Variants in EFCAB6 observed in about 807,000 individuals in gnomAD.
The protein encoded by EFCAB6 is EF-hand calcium-binding domain-containing protein 6.
Under a neutral mutation model 169.8 loss-of-function variants are expected in EFCAB6, and 156 were observed. The ratio of observed to expected loss-of-function variants is 0.92; its 90% CI spans 0.81 to 1.05. The LOEUF (loss-of-function observed/expected upper bound fraction) is 1.05, where lower values mean the gene tolerates loss of function less well. EFCAB6 is among the 50% of genes least tolerant of loss of function. The pLI, the probability that EFCAB6 is intolerant of heterozygous loss-of-function variation, is 0.00. For missense variants in EFCAB6, 1,800 were observed against 1,829.1 expected, an observed-to-expected ratio of 0.98 and a Z score of 0.29; for synonymous variants, 698 against 676.4, an observed-to-expected ratio of 1.03 and a Z score of -0.50.
rs376289598 is a variant in EFCAB6, at chr22:43,672,111, G to T, written c.1502C>A (p.Thr501Lys). ...WDSVEEIVHD[T>K]ITRNLQAFYN... is the part of the protein sequence containing the mutation. The stretch of plus-strand genomic sequence containing the variant: ...AAAAGCTTGTAGGTTCCTAGTAATT[G>T]TATCATGAACAATTTCTTCCACCTA... The change falls in exon 15 of 32, where the codon ACA becomes AAA. Residue 501 changes from threonine (T) to lysine (K), a missense_variant. Coordinates refer to ENST00000262726, the MANE Select transcript of EFCAB6 (RefSeq NM_022785.4). The T allele has an allele frequency of 8.7e-6, 14 of 1,613,434 alleles. No individual in the cohort carries two copies. In the African/African-American group the frequency reaches 1.1e-4, roughly 12 times the overall value.
At chr22:43,755,673 G>T in intron 6 of EFCAB6, 93 bp downstream of exon 6, 1 of 1,130,412 alleles carries the variant, frequency 8.8e-7, no homozygotes, top group Non-Finnish European at 1.2e-6. Flanking sequence ...GGATGACAAG[G>T]TGTGGCTCAT....
chr22:43,765,186 T>A, intron 5 of EFCAB6, 119 bp downstream of exon 5: 1 of 686,320 alleles, frequency 1.5e-6, no homozygotes, highest in Non-Finnish European at 2.5e-6. Context: ...ATGGACAAGT[T>A]CTACAAACTC....
intron 6 of EFCAB6, among the ~76,000 whole-genome samples, chr22:43,751,726 A>G (rs949068648): frequency 6.6e-6 from 1 of 152,202 alleles, no homozygotes; most frequent in African/African-American, 2.4e-5. Flanking sequence ...GTGATGATGA[A>G]CAGAAAGACT....
At chr22:43,568,998 A>G (rs1431042926) in intron 26 of EFCAB6, among the ~76,000 whole-genome samples, 2 of 152,158 alleles carry the variant, frequency 1.3e-5, no homozygotes, top group African/African-American at 2.4e-5. Context: ...GCCCCCTCAC[A>G]TTCCTGCAAG....
At chr22:43,668,376 T>A (rs776344514) in intron 16 of EFCAB6, among the ~76,000 whole-genome samples, 1 of 152,254 alleles carries the variant, frequency 6.6e-6, no homozygotes, top group East Asian at 1.9e-4. Context: ...TAATTTTTTA[T>A]AGATTTACTA....
intron 27 of EFCAB6, chr22:43,552,528 G>A (rs949198843): frequency 6.6e-6 from 1 of 152,160 alleles, no homozygotes; most frequent in African/African-American, 2.4e-5. Flanking sequence ...GTATCTCACT[G>A]TGGTTTTAAT....
chr22:43,767,136 G>A (rs2061346550), intron 4 of EFCAB6, among the ~76,000 whole-genome samples: 1 of 152,152 alleles, frequency 6.6e-6, no homozygotes, highest in South Asian at 2.1e-4. Context: ...CCATACAGCT[G>A]AATGGCTCCC....
intron 17 of EFCAB6, among the ~76,000 whole-genome samples, chr22:43,636,372 C>A (rs578246661): frequency 2.0e-5 from 3 of 152,244 alleles, no homozygotes; most frequent in African/African-American, 7.2e-5. Flanking sequence ...GCTGCAGTGT[C>A]GCCCTCATCA....
In EFCAB6 at chr22:43,530,902, A is replaced by G; in HGVS notation, c.4296T>C (p.Ile1432=). The G allele has an allele frequency of 6.2e-7, 1 of 1,614,208 alleles. No homozygotes were observed. The highest frequency in any genetic ancestry group is 8.5e-7 in the Non-Finnish European group (1 of 1,180,046). The part of the protein sequence containing the change: ...YSALLRIQPK[I]VHCWRPMRRT... ...GCCGCATTGGCCTCCAGCAGTGCACAATTTTGGGCTGAATACGCAGCAGAG... is the reference window on the plus strand; with the variant it reads ...GCCGCATTGGCCTCCAGCAGTGCACGATTTTGGGCTGAATACGCAGCAGAG... The change falls in exon 31 of 32, where the codon ATT becomes ATC. Residue 1432 remains isoleucine (I), a synonymous_variant. Coordinates refer to ENST00000262726, the MANE Select transcript of EFCAB6 (RefSeq NM_022785.4).
intron 17 of EFCAB6, among the ~76,000 whole-genome samples, chr22:43,639,052 T>C (rs1173668342): frequency 2.0e-5 from 3 of 152,220 alleles, no homozygotes; most frequent in Non-Finnish European, 4.4e-5. Context: ...CCCAAAGTGC[T>C]GGGGTTGTCC....
chr22:43,643,197 T>A (rs2055917833), intron 17 of EFCAB6, among the ~76,000 whole-genome samples: 1 of 152,178 alleles, frequency 6.6e-6, no homozygotes. Flanking sequence ...CTTGCAACAA[T>A]GCCTCAACAG....
intron 6 of EFCAB6, among the ~76,000 whole-genome samples, chr22:43,755,014 G>A (rs953221721): frequency 6.6e-6 from 1 of 152,198 alleles, no homozygotes; most frequent in Non-Finnish European, 1.5e-5. Context: ...AATGGTATCA[G>A]CTAGGGAAAT....
intron 17 of EFCAB6, among the ~76,000 whole-genome samples, chr22:43,651,207 T>C (rs1355231851): frequency 1.3e-5 from 2 of 152,174 alleles, no homozygotes; most frequent in African/African-American, 4.8e-5. Context: ...AGCAGTTTCA[T>C]AGGCTGGGCC....
At chr22:43,643,041 G>A (rs1225139123) in intron 17 of EFCAB6, among the ~76,000 whole-genome samples, 2 of 152,166 alleles carry the variant, frequency 1.3e-5, no homozygotes, top group Non-Finnish European at 2.9e-5. Context: ...AGTGTCAAGA[G>A]CCAGAACTGG....
chr22:43,737,337 TAC>T (rs893304742), intron 6 of EFCAB6, among the ~76,000 whole-genome samples: 2 of 148,782 alleles, frequency 1.3e-5, no homozygotes, highest in Admixed American at 6.7e-5. Context: ...CACATATTCA[TAC>T]ACACACCTGT....
chr22:43,630,605 A>G (rs545828284), intron 19 of EFCAB6, among the ~76,000 whole-genome samples: 73 of 152,344 alleles, frequency 4.8e-4, no homozygotes, highest in Non-Finnish European at 9.4e-4. Context: ...GGCAGCTGCC[A>G]GGCCTCTACA....
intron 22 of EFCAB6, among the ~76,000 whole-genome samples, chr22:43,602,040 A>G (rs2052560574): frequency 6.6e-6 from 1 of 152,226 alleles, no homozygotes. Context: ...GTGCAGATAG[A>G]GGGCTCTAGG....
intron 8 of EFCAB6, among the ~76,000 whole-genome samples, chr22:43,717,946 C>T (rs932340773): frequency 6.6e-6 from 1 of 152,118 alleles, no homozygotes; most frequent in Admixed American, 6.5e-5. Flanking sequence ...TCTAAATTAA[C>T]GGATGTGGGA....
rs1231219034 is a variant in EFCAB6 at position 43,782,247 on chromosome 22, T to C, written c.72A>G (p.Arg24=). Residue 24 remains arginine, a synonymous_variant, in exon 3 of 32, where the codon AGA becomes AGG. Coordinates refer to ENST00000262726, the MANE Select transcript of EFCAB6 (RefSeq NM_022785.4). Reference sequence around the variant, plus strand: ...ATACTCTACACGGTGAAGAATGGGGTCTTGAATGTGTAAATTTTCGTGTGT... The same window carrying C: ...ATACTCTACACGGTGAAGAATGGGGCCTTGAATGTGTAAATTTTCGTGTGT... ...HPHTRKFTHS[R]PHSSPCRVYS... 2 of 1,613,698 alleles carry C rather than the reference T, an allele frequency of 1.2e-6. No homozygotes were observed. The highest frequency in any genetic ancestry group is 1.7e-6 in the Non-Finnish European group (2 of 1,179,914).
Sources: allele counts gnomAD v4.1 joint callset (sites outside exome capture counted in the v4.1 genomes callset), GRCh38; gene constraint gnomAD v4.1.1; transcripts MANE v1.5; gene names NCBI Gene and HGNC (gene_info 2026-07-23, HGNC 2026-07-21).